UBE2E2: variants seen among roughly 807,000 people sequenced by gnomAD.
The protein encoded by UBE2E2 is ubiquitin conjugating enzyme E2 E2.
A neutral mutation model predicts 24.7 loss-of-function variants in UBE2E2; 6 were observed. That is an observed-to-expected ratio of 0.24 (90% CI 0.13 to 0.48). UBE2E2 has a LOEUF of 0.48. UBE2E2 is among the 20% of genes least tolerant of loss of function. The pLI, the probability that UBE2E2 is intolerant of heterozygous loss-of-function variation, is 0.99. For synonymous variants in UBE2E2, 104 were observed against 83.6 expected, an observed-to-expected ratio of 1.24 and a Z score of -1.33; for missense variants, 169 against 245.0, an observed-to-expected ratio of 0.69 and a Z score of 2.07.
intron 3 of UBE2E2, among the ~76,000 whole-genome samples, chr3:23,476,659 G>T (rs1286366318): frequency 6.6e-6 from 1 of 152,074 alleles, no homozygotes; most frequent in Non-Finnish European, 1.5e-5. Context: ...TTACACTCCA[G>T]CCTGGACAAC....
intron 3 of UBE2E2, among the ~76,000 whole-genome samples, chr3:23,356,020 A>G (rs1044770333): frequency 2.0e-5 from 3 of 152,250 alleles, no homozygotes; most frequent in Non-Finnish European, 4.4e-5. Flanking sequence ...CTAGAAATAC[A>G]GATCTGATGA....
intron 5 of UBE2E2, among the ~76,000 whole-genome samples, chr3:23,578,238 C>G (rs1339080950): frequency 6.6e-6 from 1 of 152,146 alleles, no homozygotes; most frequent in Non-Finnish European, 1.5e-5. Context: ...GAGATATCAT[C>G]TCATGCCAGT....
chr3:23,388,836 C>G (rs1173821552), intron 3 of UBE2E2, among the ~76,000 whole-genome samples: 1 of 150,224 alleles, frequency 6.7e-6, no homozygotes, highest in Admixed American at 6.6e-5. Flanking sequence ...GAAACCCCGT[C>G]TCTACTAAAA....
chr3:23,344,823 A>T lies in UBE2E2; in HGVS notation c.227+127511A>T, dbSNP rs1035651812. Among the ~76,000 whole-genome samples the T allele has an allele frequency of 7.5e-4, 25 of 33,138 alleles. 1 individual carries two copies. The highest frequency in any genetic ancestry group is 4.3e-3 in the East Asian group (6 of 1,392). 21.7% of individuals were successfully genotyped at this position (33,138 alleles called of 152,430 possible). On this transcript the variant is annotated intron_variant, in intron 3 of 5. Transcript: ENST00000396703. ...ACAGAGCGAGACCCAGTCTGTATTA[A>T]AAAAAAAAAAAATTAAATGTTGTAT...
chr3:23,382,503 T>TG (rs1696700065), intron 3 of UBE2E2, among the ~76,000 whole-genome samples: 1 of 152,212 alleles, frequency 6.6e-6, no homozygotes, highest in Admixed American at 6.5e-5. Context: ...TCTTAAACAC[T>TG]GGTTTTACTA....
At chr3:23,457,497 T>A (rs1698705127) in intron 3 of UBE2E2, among the ~76,000 whole-genome samples, 1 of 152,194 alleles carries the variant, frequency 6.6e-6, no homozygotes. Flanking sequence ...CTGCAGCTTC[T>A]CCATCAGCTG....
intron 4 of UBE2E2, among the ~76,000 whole-genome samples, chr3:23,530,311 G>C (rs1695092497): frequency 6.6e-6 from 1 of 152,060 alleles, no homozygotes; most frequent in Non-Finnish European, 1.5e-5. Flanking sequence ...TCTTTAGTCT[G>C]GTTGACCTAT....
At chr3:23,328,561 G>A (rs1314313222) in intron 3 of UBE2E2, among the ~76,000 whole-genome samples, 1 of 152,006 alleles carries the variant, frequency 6.6e-6, no homozygotes, top group Non-Finnish European at 1.5e-5. Context: ...TTTGACTTTG[G>A]ATATTTTCAG....
At chr3:23,442,886 A>G (rs1698337911) in intron 3 of UBE2E2, among the ~76,000 whole-genome samples, 1 of 152,198 alleles carries the variant, frequency 6.6e-6, no homozygotes, top group Non-Finnish European at 1.5e-5. Context: ...CTTTGTTTGC[A>G]GTATGTATTA....
intron 3 of UBE2E2, among the ~76,000 whole-genome samples, chr3:23,347,749 G>T (rs4858509): frequency 4.6e-5 from 7 of 151,660 alleles, no homozygotes; most frequent in Non-Finnish European, 1.0e-4. Flanking sequence ...GCTACAAAAG[G>T]GGACCCTTTT....
intron 3 of UBE2E2, among the ~76,000 whole-genome samples, chr3:23,332,720 C>G: frequency 7.6e-6 from 1 of 132,382 alleles, no homozygotes; most frequent in Non-Finnish European, 1.6e-5. Context: ...TGTGTGTGTG[C>G]AGCTATGGAT....
At chr3:23,428,510 T>C (rs1697982042) in intron 3 of UBE2E2, among the ~76,000 whole-genome samples, 1 of 151,960 alleles carries the variant, frequency 6.6e-6, no homozygotes, top group African/African-American at 2.4e-5. Flanking sequence ...GCAAATCAAA[T>C]TCAAAGTAAG....
At chr3:23,535,638 T>TTTTTG (rs1695243447) in intron 5 of UBE2E2, among the ~76,000 whole-genome samples, 1 of 147,180 alleles carries the variant, frequency 6.8e-6, no homozygotes, top group African/African-American at 2.5e-5. Context: ...TTTTTTTTTT[T>TTTTTG]TTTGAGATGG....
intron 5 of UBE2E2, among the ~76,000 whole-genome samples, chr3:23,540,204 C>T (rs1695358592): frequency 6.6e-6 from 1 of 152,050 alleles, no homozygotes; most frequent in Non-Finnish European, 1.5e-5. Flanking sequence ...GCTAAATATT[C>T]TCAGATAATA....
At chr3:23,267,027 C>T (rs577564484) in intron 3 of UBE2E2, among the ~76,000 whole-genome samples, 3 of 151,942 alleles carry the variant, frequency 2.0e-5, no homozygotes, top group South Asian at 4.2e-4. Flanking sequence ...ACACAACATA[C>T]CAGAATCTCT....
In UBE2E2 at chr3:23,461,017, CT is replaced by C. The variant is rs536276595; in HGVS notation, c.228-38590del. Among the ~76,000 whole-genome samples, 56 of 152,316 alleles carry C rather than the reference CT, an allele frequency of 3.7e-4. 2 individuals are homozygous for C. In the South Asian group the frequency reaches 0.012, roughly 32 times the overall value. ...TATAGATAAGGAAACAGACTTCACA[CT>C]AGTGATTGGTAGAATGGGAGAACCC... On this transcript the variant is annotated intron_variant, in intron 3 of 5. Coordinates refer to ENST00000396703, the MANE Select transcript of UBE2E2 (RefSeq NM_152653.4).
At chr3:23,304,187 A>G (rs1171384079) in intron 3 of UBE2E2, among the ~76,000 whole-genome samples, 2 of 152,346 alleles carry the variant, frequency 1.3e-5, no homozygotes, top group Non-Finnish European at 2.9e-5. Context: ...GACCGTGGGC[A>G]GGTCAAAGAC....
intron 5 of UBE2E2, among the ~76,000 whole-genome samples, chr3:23,586,988 AT>A (rs1163173719): frequency 6.6e-6 from 1 of 151,500 alleles, no homozygotes; most frequent in East Asian, 1.9e-4. Flanking sequence ...CTTTGCGTGG[AT>A]TTATACACGA....
At chr3:23,404,907 A>G (rs1366899155) in intron 3 of UBE2E2, among the ~76,000 whole-genome samples, 4 of 152,196 alleles carry the variant, frequency 2.6e-5, no homozygotes, top group Admixed American at 6.5e-5. Flanking sequence ...CTGAGATACA[A>G]GTAGTTAACA....
Sources: gnomAD v4.1 joint callset for allele counts (sites outside exome capture counted in the v4.1 genomes callset) on GRCh38, gnomAD v4.1.1 for gene constraint, MANE v1.5 for transcripts, NCBI Gene and HGNC (gene_info 2026-07-23, HGNC 2026-07-21) for gene names.